The following TAFA2 variants were observed in gnomAD, a reference collection of about 807,000 sequenced individuals.
TAFA2 encodes chemokine-like protein TAFA-2.
A neutral mutation model predicts 18.8 loss-of-function variants in TAFA2; 7 were observed. The ratio of observed to expected loss-of-function variants is 0.37; its 90% CI spans 0.21 to 0.70. The LOEUF (loss-of-function observed/expected upper bound fraction) is 0.70, where lower values mean the gene tolerates loss of function less well. TAFA2 is among the 30% of genes least tolerant of loss of function. TAFA2 has a pLI of 0.53. For missense variants in TAFA2, 122 were observed against 158.1 expected (o/e 0.77, Z 1.23); for synonymous variants, 60 against 54.2 (o/e 1.11, Z -0.47).
chr12:61,780,765 C>A (rs1218827942), intron 2 of TAFA2, among the ~76,000 whole-genome samples: 1 of 151,690 alleles, frequency 6.6e-6, no homozygotes, highest in African/African-American at 2.4e-5. Flanking sequence ...AAAAATTCTC[C>A]TGTTCTTTAT....
At chr12:61,915,375 T>G (rs349880) in intron 1 of TAFA2, among the ~76,000 whole-genome samples, 147,804 of 152,318 alleles carry the variant, frequency 0.97, 71,754 homozygotes, top group East Asian at 1. Context: ...CAAGGAACAC[T>G]CTTTCTCCAA....
intron 1 of TAFA2, among the ~76,000 whole-genome samples, chr12:62,221,017 T>C (rs958631915): frequency 1.3e-5 from 2 of 151,564 alleles, no homozygotes; most frequent in African/African-American, 4.9e-5. Flanking sequence ...GGCAGGAGAA[T>C]GGCATGAACC....
At chr12:62,065,907 TA>T (rs571430357) in intron 1 of TAFA2, among the ~76,000 whole-genome samples, 26 of 152,034 alleles carry the variant, frequency 1.7e-4, no homozygotes, top group Admixed American at 1.7e-3. Flanking sequence ...TACCACTTTA[TA>T]AAAAAGCTGG....
At chr12:62,094,783 C>T (rs1342963225) in intron 1 of TAFA2, among the ~76,000 whole-genome samples, 2 of 151,896 alleles carry the variant, frequency 1.3e-5, no homozygotes, top group East Asian at 1.9e-4. Flanking sequence ...TAAGAGACTA[C>T]CAAAAATCAC....
chr12:62,140,013 A>T (rs2062227043), intron 1 of TAFA2: 1 of 152,082 alleles, frequency 6.6e-6, no homozygotes, highest in Admixed American at 6.6e-5. Flanking sequence ...TGTTTTTTGT[A>T]TTTTTTAATA....
intron 1 of TAFA2, among the ~76,000 whole-genome samples, chr12:62,229,003 A>C (rs1307944871): frequency 6.6e-6 from 1 of 151,460 alleles, no homozygotes; most frequent in African/African-American, 2.4e-5. Flanking sequence ...ATTCTTTTTT[A>C]TTTCTTTTTC....
At chr12:61,888,017 A>G (rs1875464659) in intron 1 of TAFA2, among the ~76,000 whole-genome samples, 1 of 151,986 alleles carries the variant, frequency 6.6e-6, no homozygotes, top group African/African-American at 2.4e-5. Context: ...ATGCAAATCA[A>G]AACCACAATG....
At chr12:61,945,970 T>C (rs1400949601) in intron 1 of TAFA2, among the ~76,000 whole-genome samples, 3 of 136,264 alleles carry the variant, frequency 2.2e-5, no homozygotes, top group South Asian at 2.4e-4. Flanking sequence ...AAAGTTCATA[T>C]GGAACCAAAA....
chr12:62,002,832 G>A (rs182295806), intron 1 of TAFA2, among the ~76,000 whole-genome samples: 30 of 151,970 alleles, frequency 2.0e-4, no homozygotes, highest in Non-Finnish European at 1.9e-4. Flanking sequence ...TAAATTTTAT[G>A]CATCCACCTC....
At chr12:62,225,828 G>C (rs1264015876) in intron 1 of TAFA2, among the ~76,000 whole-genome samples, 2 of 152,118 alleles carry the variant, frequency 1.3e-5, no homozygotes. Context: ...ACACATTCTT[G>C]GCAAAAGCAT....
At chr12:62,143,444 T>C (rs1457665540) in intron 1 of TAFA2, among the ~76,000 whole-genome samples, 1 of 152,212 alleles carries the variant, frequency 6.6e-6, no homozygotes, top group Non-Finnish European at 1.5e-5. Flanking sequence ...TTTTTTCCCC[T>C]GCTGAAATTC....
chr12:61,873,277 G>T (rs570020162), intron 1 of TAFA2, among the ~76,000 whole-genome samples: 2 of 145,878 alleles, frequency 1.4e-5, no homozygotes, highest in African/African-American at 5.1e-5. Context: ...TTTTTTTGAG[G>T]TTGCACAAGT....
chr12:62,139,377 T>G (rs944337596), intron 1 of TAFA2, among the ~76,000 whole-genome samples: 1 of 152,174 alleles, frequency 6.6e-6, no homozygotes, highest in Non-Finnish European at 1.5e-5. Context: ...GGATTGTCAT[T>G]GACAAAGTGA....
intron 1 of TAFA2, among the ~76,000 whole-genome samples, chr12:62,101,901 A>G (rs1869223806): frequency 6.6e-6 from 1 of 152,216 alleles, no homozygotes; most frequent in African/African-American, 2.4e-5. Flanking sequence ...AAAATAGATA[A>G]ATCCTAAAAC....
At chr12:61,891,590 G>T (rs998035049) in intron 1 of TAFA2, among the ~76,000 whole-genome samples, 1 of 152,134 alleles carries the variant, frequency 6.6e-6, no homozygotes, top group Admixed American at 6.5e-5. Context: ...GGAGGTTGCA[G>T]TGAGCTGAGA....
At chr12:62,017,693 A>G (rs1388891666) in intron 1 of TAFA2, among the ~76,000 whole-genome samples, 1 of 152,192 alleles carries the variant, frequency 6.6e-6, no homozygotes, top group African/African-American at 2.4e-5. Flanking sequence ...ATACCAGGTT[A>G]TCTCACTAAA....
At chr12:61,825,773 A>G (rs1303789149) in intron 2 of TAFA2, among the ~76,000 whole-genome samples, 1 of 152,136 alleles carries the variant, frequency 6.6e-6, no homozygotes, top group African/African-American at 2.4e-5. Context: ...GAAAGACGCC[A>G]TAGAAAAAGA....
intron 2 of TAFA2, among the ~76,000 whole-genome samples, chr12:61,788,608 A>C (rs1870838676): frequency 6.6e-6 from 1 of 151,768 alleles, no homozygotes; most frequent in African/African-American, 2.4e-5. Flanking sequence ...CATCAACGGA[A>C]TAAAGAACTG....
Position 62,184,141 on chromosome 12 carries a change from T to A in TAFA2, c.-2+7118A>T, listed in dbSNP as rs550745999. Among the ~76,000 whole-genome samples the A allele has an allele frequency of 3.9e-5, 6 of 152,324 alleles. No individual in the cohort carries two copies. The East Asian group carries it at 1.2e-3, about 29-fold the overall frequency. Reference sequence around the variant, plus strand: ...AAGCTGAAGAACCCAAATAGCAAGCTAATGAATTTTAACCACTCAACAAAT... The same window carrying A: ...AAGCTGAAGAACCCAAATAGCAAGCAAATGAATTTTAACCACTCAACAAAT... On this transcript the variant is annotated intron_variant, in intron 1 of 4. Coordinates refer to ENST00000416284, the MANE Select transcript of TAFA2 (RefSeq NM_178539.5).
Sources: allele counts gnomAD v4.1 joint callset (sites outside exome capture counted in the v4.1 genomes callset), GRCh38; gene constraint gnomAD v4.1.1; transcripts MANE v1.5; gene names NCBI Gene and HGNC (gene_info 2026-07-23, HGNC 2026-07-21).